The following CWF19L2 variants were observed in gnomAD, a reference collection of about 807,000 sequenced individuals.
The protein encoded by CWF19L2 is CWF19-like protein 2.
In CWF19L2, 98 loss-of-function variants were observed where a neutral mutation model predicts 111.7. The ratio of observed to expected loss-of-function variants is 0.88; its 90% confidence interval spans 0.75 to 1.04. CWF19L2 has a LOEUF of 1.04. Ranked by LOEUF, CWF19L2 falls within the 50% of genes least tolerant of loss-of-function variation. CWF19L2 has a pLI of 0.00. For synonymous variants in CWF19L2, 351 were observed against 342.9 expected, an observed-to-expected ratio of 1.02 and a Z score of -0.26; for missense variants, 1,101 against 1,051.4, an observed-to-expected ratio of 1.05 and a Z score of -0.65.
chr11:107,412,374 A>G (rs1861169404), intron 10 of CWF19L2, among the ~76,000 whole-genome samples: 1 of 152,098 alleles, frequency 6.6e-6, no homozygotes, highest in African/African-American at 2.4e-5. Flanking sequence ...GGAGTCCCAC[A>G]CTGCCGCCCA....
intron 10 of CWF19L2, among the ~76,000 whole-genome samples, chr11:107,405,850 A>AATG (rs1555023831): frequency 7.1e-6 from 1 of 141,816 alleles, no homozygotes; most frequent in Non-Finnish European, 1.5e-5. Context: ...AAAAAAAAAA[A>AATG]AAGAAGAAGA....
chr11:107,449,362 GTA>G (rs1463456415), intron 3 of CWF19L2, among the ~76,000 whole-genome samples: 1 of 151,948 alleles, frequency 6.6e-6, no homozygotes, highest in African/African-American at 2.4e-5. Flanking sequence ...AAGGAAAATG[GTA>G]TTAGACAGAA....
At chr11:107,451,943 G>A (rs1335941837) in intron 3 of CWF19L2, among the ~76,000 whole-genome samples, 2 of 152,030 alleles carry the variant, frequency 1.3e-5, no homozygotes, top group African/African-American at 4.8e-5. Context: ...ATCTGAAAAG[G>A]CATACATGAA....
chr11:107,448,018 G>C (rs1591211103), intron 3 of CWF19L2, among the ~76,000 whole-genome samples: 1 of 152,146 alleles, frequency 6.6e-6, no homozygotes, highest in South Asian at 2.1e-4. Flanking sequence ...AATGTCACTG[G>C]ATAGGGATAA....
intron 8 of CWF19L2, among the ~76,000 whole-genome samples, chr11:107,424,257 C>T (rs1179377363): frequency 1.3e-5 from 2 of 151,448 alleles, no homozygotes; most frequent in Admixed American, 1.3e-4. Flanking sequence ...CCACACTCAC[C>T]CATACTAACC....
intron 10 of CWF19L2, among the ~76,000 whole-genome samples, chr11:107,409,906 C>T (rs1861132827): frequency 6.6e-6 from 1 of 152,060 alleles, no homozygotes; most frequent in Non-Finnish European, 1.5e-5. Flanking sequence ...TCTTGGTCAT[C>T]TACAAGATGT....
chr11:107,332,394 A>T (rs1390475471), intron 16 of CWF19L2, among the ~76,000 whole-genome samples: 1 of 152,134 alleles, frequency 6.6e-6, no homozygotes, highest in East Asian at 1.9e-4. Context: ...CTCACATTAC[A>T]CTGAAAAGAA....
Position 107,428,901 on chromosome 11 carries a change from T to C in CWF19L2, c.1331A>G (p.Gln444Arg). 1 of 1,613,716 alleles carries C rather than the reference T, an allele frequency of 6.2e-7. No homozygotes were observed. The highest frequency in any genetic ancestry group is 8.5e-7 in the Non-Finnish European group (1 of 1,179,716). The change falls in exon 8 of 18, where the codon CAA becomes CGA. Residue 444 changes from glutamine to arginine, a missense_variant. Transcript: ENST00000282251. ...KPSETSTDEH[Q>R]HVPEDPREKS... ...TTCTCTTGGGTCTTCTGGAACATGT[T>C]GGTGTTCATCAGTACTGGTTTCCGA...
intron 10 of CWF19L2, chr11:107,404,327 T>C: frequency 2.5e-6 from 2 of 788,822 alleles, no homozygotes; most frequent in Non-Finnish European, 4.7e-6. Flanking sequence ...TAGGTCAGGG[T>C]TGGAAGCCTT....
At position 107,429,172 on chromosome 11, in the gene CWF19L2, T is replaced by C. The variant is rs1418466863; in HGVS notation, c.1060A>G (p.Arg354Gly). The change falls in exon 8 of 18, where the codon AGG (arginine) becomes GGG (glycine). Residue 354 changes from arginine to glycine, a missense_variant. Coordinates refer to ENST00000282251, the MANE Select transcript of CWF19L2 (RefSeq NM_152434.3). Reference protein sequence around the residue: ...LETCRRESNPRQNQEFSFGNL... With the variant: ...LETCRRESNPGQNQEFSFGNL... ...CCAAAAGAAAACTCTTGATTTTGCC[T>C]TGGGTTAGATTCTCTTCTACACGTT... is the stretch of plus-strand genomic sequence containing the variant. The C allele has an allele frequency of 5.6e-6, 9 of 1,613,876 alleles. No individual in the cohort carries two copies. Among genetic ancestry groups the C allele is most frequent in the Admixed American group, 3.3e-5 (2 of 59,996 alleles).
rs1304878186 is a variant in CWF19L2 at position 107,429,005 on chromosome 11, G to C, written c.1227C>G (p.Thr409=). ...GSLCSGFRKP[T]KNSEERLTSW... ...ATGTTAATCTTTCTTCACTGTTCTTGGTGGGTTTTCTAAAACCACTACACA... is the reference window on the plus strand; with the variant it reads ...ATGTTAATCTTTCTTCACTGTTCTTCGTGGGTTTTCTAAAACCACTACACA... Residue 409 remains threonine, a synonymous_variant, in exon 8 of 18, where the codon ACC becomes ACG. Transcript: ENST00000282251. The C allele has an allele frequency of 6.2e-7, 1 of 1,613,480 alleles. No individual in the cohort carries two copies. The highest frequency in any genetic ancestry group is 1.1e-5 in the South Asian group (1 of 91,060).
chr11:107,402,873 G>GTGTATATATATATATATATATATATATA (rs1247886311), intron 10 of CWF19L2, among the ~76,000 whole-genome samples: 15 of 94,436 alleles, frequency 1.6e-4, no homozygotes, highest in African/African-American at 6.8e-4. Flanking sequence ...ACTGTGGTGT[G>GTGTATATATATATATATATATATATATA]TATATATATA....
intron 2 of CWF19L2, 41 bp from the exon 3 acceptor site, chr11:107,454,613 A>T: frequency 8.0e-7 from 1 of 1,249,922 alleles, no homozygotes; most frequent in Non-Finnish European, 1.0e-6. Context: ...ATTTAATTTC[A>T]TCTTAATTTA....
At chr11:107,336,362 G>A (rs556303716) in intron 15 of CWF19L2, among the ~76,000 whole-genome samples, 196 bp downstream of exon 15, 2 of 152,240 alleles carry the variant, frequency 1.3e-5, no homozygotes, top group African/African-American at 4.8e-5. Context: ...GGCCAGGCTG[G>A]TCTTGAAGTC....
chr11:107,444,096 C>CT (rs35888473), intron 3 of CWF19L2, among the ~76,000 whole-genome samples: 26,657 of 142,020 alleles, frequency 0.19, 2,595 homozygotes, highest in Middle Eastern at 0.27. Flanking sequence ...ATTTCCCACC[C>CT]TTTTTTTTTT....
chr11:107,430,549 T>A (rs972666737), intron 7 of CWF19L2, among the ~76,000 whole-genome samples: 3 of 152,074 alleles, frequency 2.0e-5, no homozygotes, highest in Admixed American at 6.6e-5. Flanking sequence ...ACACCATCAA[T>A]GAATTCGGGC....
At chr11:107,455,058 G>A (rs1861834348) in intron 2 of CWF19L2, among the ~76,000 whole-genome samples, 1 of 152,048 alleles carries the variant, frequency 6.6e-6, no homozygotes. Flanking sequence ...TGATCAAAGG[G>A]TACAAAGTTT....
At chr11:107,333,554 G>A (rs960342499) in intron 16 of CWF19L2, among the ~76,000 whole-genome samples, 3 of 152,172 alleles carry the variant, frequency 2.0e-5, no homozygotes, top group Admixed American at 2.0e-4. Context: ...TACATTAAAT[G>A]CCTTTTTCTA....
intron 12 of CWF19L2, among the ~76,000 whole-genome samples, chr11:107,387,736 A>G (rs944985365): frequency 9.2e-5 from 14 of 152,200 alleles, no homozygotes; most frequent in Non-Finnish European, 1.3e-4. Context: ...TCTAATTCAC[A>G]ATAGGGTTCA....
Sources: allele counts gnomAD v4.1 joint callset (sites outside exome capture counted in the v4.1 genomes callset), GRCh38; gene constraint gnomAD v4.1.1; transcripts MANE v1.5; gene names NCBI Gene and HGNC (gene_info 2026-07-23, HGNC 2026-07-21).